ENOX1: variants seen among roughly 807,000 people sequenced by gnomAD.
The protein encoded by ENOX1 is candidate growth-related and time keeping constitutive hydroquinone (NADH) oxidase.
In ENOX1, 42 loss-of-function variants were observed where a neutral mutation model predicts 82.5. The ratio of observed to expected loss-of-function variants is 0.51; its 90% CI spans 0.40 to 0.66. The LOEUF (loss-of-function observed/expected upper bound fraction) is 0.66, where lower values mean the gene tolerates loss of function less well. Ranked by LOEUF, ENOX1 falls within the 30% of genes least tolerant of loss-of-function variation. ENOX1 has a pLI of 0.00. For missense variants in ENOX1, 608 were observed against 811.6 expected, an observed-to-expected ratio of 0.75 and a Z score of 3.05; for synonymous variants, 271 against 282.2, an observed-to-expected ratio of 0.96 and a Z score of 0.40.
chr13:43,740,876 T>G (rs2089874582), intron 1 of ENOX1, among the ~76,000 whole-genome samples: 1 of 152,234 alleles, frequency 6.6e-6, no homozygotes, highest in Non-Finnish European at 1.5e-5. Context: ...CACATTTTGT[T>G]TATTCAACAG....
chr13:43,232,821 G>A (rs557836943), intron 15 of ENOX1, among the ~76,000 whole-genome samples: 8 of 152,160 alleles, frequency 5.3e-5, no homozygotes, highest in South Asian at 2.1e-4. Flanking sequence ...TCAACAGGGC[G>A]TCAATCAGAG....
chr13:43,666,036 CACTAT>C (rs1255343734), intron 2 of ENOX1, among the ~76,000 whole-genome samples: 4 of 151,466 alleles, frequency 2.6e-5, no homozygotes, highest in African/African-American at 9.7e-5. Context: ...GTTATGTTTA[CACTAT>C]ACTATACTCT....
chr13:43,449,517 C>T (rs536807218), intron 3 of ENOX1, among the ~76,000 whole-genome samples: 1 of 152,228 alleles, frequency 6.6e-6, no homozygotes, highest in African/African-American at 2.4e-5. Context: ...TAGAAAGTTT[C>T]CTTTTCTAAT....
chr13:43,741,780 G>A (rs530221412), intron 1 of ENOX1, among the ~76,000 whole-genome samples: 8 of 152,218 alleles, frequency 5.3e-5, no homozygotes, highest in East Asian at 1.9e-4. Context: ...GCTGTTGCTC[G>A]TGCTTTTAGT....
chr13:43,750,326 GTAT>G (rs1950242098), intron 1 of ENOX1, among the ~76,000 whole-genome samples: 1 of 152,200 alleles, frequency 6.6e-6, no homozygotes, highest in South Asian at 2.1e-4. Context: ...CTTTGTGCCA[GTAT>G]TATTATTTCC....
intron 2 of ENOX1, among the ~76,000 whole-genome samples, chr13:43,626,658 C>G (rs1039631379): frequency 5.3e-5 from 8 of 151,996 alleles, no homozygotes; most frequent in Non-Finnish European, 1.2e-4. Flanking sequence ...AGAACATACT[C>G]TATACGGTTT....
At chr13:43,415,902 G>A (rs1206217289) in intron 3 of ENOX1, among the ~76,000 whole-genome samples, 11 of 148,966 alleles carry the variant, frequency 7.4e-5, no homozygotes, top group African/African-American at 2.0e-4. Flanking sequence ...CTTCCCAGAC[G>A]GGGCGGCCGG....
At chr13:43,574,432 C>T (rs995598492) in intron 2 of ENOX1, among the ~76,000 whole-genome samples, 4 of 152,060 alleles carry the variant, frequency 2.6e-5, no homozygotes, top group Non-Finnish European at 4.4e-5. Context: ...CACTCAATGG[C>T]GTATACCCAC....
At chr13:43,724,867 T>C (rs1278922699) in intron 1 of ENOX1, among the ~76,000 whole-genome samples, 1 of 152,224 alleles carries the variant, frequency 6.6e-6, no homozygotes, top group Non-Finnish European at 1.5e-5. Flanking sequence ...ATACATTTTA[T>C]ACTAGTGATT....
At chr13:43,673,362 T>C (rs914159506) in intron 1 of ENOX1, among the ~76,000 whole-genome samples, 1 of 152,090 alleles carries the variant, frequency 6.6e-6, no homozygotes, top group Non-Finnish European at 1.5e-5. Flanking sequence ...CACTTTTCAG[T>C]CCCTAGGTGC....
intron 1 of ENOX1, among the ~76,000 whole-genome samples, chr13:43,744,996 G>A (rs182656844): frequency 6.6e-6 from 1 of 152,316 alleles, no homozygotes; most frequent in Non-Finnish European, 1.5e-5. Flanking sequence ...GAGAAAACTG[G>A]AAAACATTCA....
At chr13:43,528,179 A>T (rs962524473) in intron 2 of ENOX1, among the ~76,000 whole-genome samples, 7 of 152,092 alleles carry the variant, frequency 4.6e-5, no homozygotes, top group African/African-American at 1.7e-4. Context: ...AGACTTCTAG[A>T]CCCACCTTAC....
At chr13:43,515,093 T>C (rs991918295) in intron 2 of ENOX1, among the ~76,000 whole-genome samples, 1 of 152,128 alleles carries the variant, frequency 6.6e-6, no homozygotes, top group African/African-American at 2.4e-5. Flanking sequence ...GCTCAGAGCA[T>C]TAACTGATTT....
chr13:43,367,262 A>G (rs1417765680), intron 5 of ENOX1, among the ~76,000 whole-genome samples: 1 of 152,262 alleles, frequency 6.6e-6, no homozygotes, highest in Non-Finnish European at 1.5e-5. Flanking sequence ...AGGGTTTGTA[A>G]GAGTTGACTT....
At chr13:43,766,408 AT>A (rs1951269671) in intron 1 of ENOX1, among the ~76,000 whole-genome samples, 1 of 152,192 alleles carries the variant, frequency 6.6e-6, no homozygotes, top group African/African-American at 2.4e-5. Flanking sequence ...GAATTATCTT[AT>A]TTGATTAAGG....
chr13:43,498,092 T>C (rs2076855332), intron 2 of ENOX1, among the ~76,000 whole-genome samples: 1 of 152,126 alleles, frequency 6.6e-6, no homozygotes, highest in African/African-American at 2.4e-5. Flanking sequence ...CTTGGTACAT[T>C]AAACTCGCTG....
At chr13:43,227,174 G>C (rs746387646) in intron 15 of ENOX1, among the ~76,000 whole-genome samples, 1 of 152,160 alleles carries the variant, frequency 6.6e-6, no homozygotes, top group Non-Finnish European at 1.5e-5. Context: ...AGGAGACGAA[G>C]TGTTGACATG....
At chr13:43,639,854 C>T (rs1045783078) in intron 2 of ENOX1, among the ~76,000 whole-genome samples, 9 of 152,048 alleles carry the variant, frequency 5.9e-5, no homozygotes, top group Admixed American at 1.3e-4. Context: ...CATGGCAAAA[C>T]GCTGTCTCTA....
intron 2 of ENOX1, among the ~76,000 whole-genome samples, chr13:43,650,557 G>GC (rs1315030576): frequency 1.3e-5 from 2 of 152,156 alleles, no homozygotes; most frequent in Non-Finnish European, 1.5e-5. Context: ...CAGGAGCTTG[G>GC]CCGCGCATGG....
Sources: gnomAD v4.1 joint callset for allele counts (sites outside exome capture counted in the v4.1 genomes callset) on GRCh38, gnomAD v4.1.1 for gene constraint, MANE v1.5 for transcripts, NCBI Gene and HGNC (gene_info 2026-07-23, HGNC 2026-07-21) for gene names.